OGFOD2: variants seen among roughly 807,000 people sequenced by gnomAD.
The protein encoded by OGFOD2 is 2-oxoglutarate and iron dependent oxygenase domain containing 2, also known as 2-oxoglutarate and iron-dependent oxygenase domain-containing protein 2.
OGFOD2 carries 34 observed loss-of-function variants against 31.1 expected under a neutral mutation model. That is an observed-to-expected ratio of 1.09 (90% CI 0.83 to 1.45). The LOEUF (loss-of-function observed/expected upper bound fraction) is 1.45. Ranked by LOEUF, OGFOD2 falls within the 40% of genes most tolerant of loss-of-function variation. The pLI, the probability that OGFOD2 is intolerant of heterozygous loss-of-function variation, is 0.00. For synonymous variants in OGFOD2, 240 were observed against 192.3 expected, an observed-to-expected ratio of 1.25 and a Z score of -2.05; for missense variants, 537 against 433.9, an observed-to-expected ratio of 1.24 and a Z score of -2.11.
exon 3 of OGFOD2, chr12:122,976,747 G>A: frequency 3.1e-6 from 5 of 1,613,882 alleles, no homozygotes; most frequent in Non-Finnish European, 3.4e-6. Flanking sequence ...GGCACGGCCT[G>A]AGGTCTACGA....
Position 122,978,439 on chromosome 12 carries a change from C to G in OGFOD2, c.404-3C>G, listed in dbSNP as rs1218981001. ...GGCCAACAGACCATCCCTCCTTCCACAGAGGAGAAGCGCATCTACCGGGTG... is the reference window on the plus strand; with the variant it reads ...GGCCAACAGACCATCCCTCCTTCCAGAGAGGAGAAGCGCATCTACCGGGTG... On this transcript the variant is annotated splice_region_variant and splice_polypyrimidine_tract_variant and intron_variant, in intron 4 of 6. Transcript: ENST00000228922. 1.9e-6 allele frequency: 3 copies of G among 1,613,088 alleles called. No individual in the cohort carries two copies. Among genetic ancestry groups the G allele is most frequent in the Non-Finnish European group, 2.5e-6 (3 of 1,179,676 alleles).
Position 122,976,275 on chromosome 12 carries a change from C to T in OGFOD2, c.190-379C>T, listed in dbSNP as rs556264202. 3.9e-4 allele frequency: 446 copies of T among 1,130,532 alleles called. 1 individual carries two copies. In the African/African-American group the frequency reaches 5.5e-3, roughly 14 times the overall value. 70.0% of individuals were successfully genotyped at this position (1,130,532 alleles called of 1,614,324 possible). ...CAGGCTGCTGCCAGGGCTGCTGCCCCACTCCCTCCTCCTCCTTCCCCTGGA... is the reference window on the plus strand; with the variant it reads ...CAGGCTGCTGCCAGGGCTGCTGCCCTACTCCCTCCTCCTCCTTCCCCTGGA... On this transcript the variant is annotated intron_variant, in intron 2 of 6. Transcript: ENST00000228922.
rs926326073 is a variant in OGFOD2 at position 122,978,867 on chromosome 12, A to G, written c.646A>G (p.Ser216Gly). 3.1e-6 allele frequency: 5 copies of G among 1,611,728 alleles called. No homozygotes were observed. The highest frequency in any genetic ancestry group is 4.2e-6 in the Non-Finnish European group (5 of 1,179,534). The change falls in exon 6 of 7, where the codon AGC (serine) becomes GGC (glycine). Residue 216 changes from serine to glycine, a missense_variant. Coordinates refer to ENST00000228922, the Ensembl canonical transcript of OGFOD2. ...TGACTGTGGCGGGGGCCGGCTCGAC[A>G]GCCACCGGGCCTTTGTGGTCAAATA...
At chr12:122,979,997 G>C in exon 7 of OGFOD2, 3 of 409,844 alleles carry the variant, frequency 7.3e-6, no homozygotes, top group Middle Eastern at 6.2e-4. Context: ...TCCTAGAGCT[G>C]TTTTGGGAGT....
exon 6 of OGFOD2, chr12:122,978,980 G>A: frequency 1.2e-6 from 2 of 1,613,078 alleles, no homozygotes; most frequent in Non-Finnish European, 1.7e-6. Flanking sequence ...TCTTCACAGG[G>A]GGCGCCCTGT....
intron 4 of OGFOD2, 37 bp from the exon 5 acceptor site, chr12:122,978,405 C>T: frequency 6.2e-7 from 1 of 1,607,742 alleles, no homozygotes. Context: ...CGGCCCACGG[C>T]CACATTCAGG....
At position 122,976,641 on chromosome 12, in the gene OGFOD2, T is replaced by C. The variant is rs757973657; in HGVS notation, c.190-13T>C. 3.8e-6 allele frequency: 6 copies of C among 1,568,220 alleles called. No individual in the cohort carries two copies. In the South Asian group the frequency reaches 4.4e-5, roughly 12 times the overall value. On this transcript the variant is annotated splice_polypyrimidine_tract_variant and intron_variant, in intron 2 of 6. Coordinates refer to ENST00000228922, the Ensembl canonical transcript of OGFOD2. ...GGGAGGCCCCACCTGGTAACAACCCTGTGCCACCCCAGCTTGAGCAGGAGG... is the reference window on the plus strand; with the variant it reads ...GGGAGGCCCCACCTGGTAACAACCCCGTGCCACCCCAGCTTGAGCAGGAGG...
At chr12:122,979,203 G>A (rs202245979) in exon 7 of OGFOD2, 2 of 1,612,202 alleles carry the variant, frequency 1.2e-6, no homozygotes, top group East Asian at 2.2e-5. Flanking sequence ...TTGGAACCTT[G>A]TCGTCTGGCT....
At chr12:122,976,273 C>A in intron 2 of OGFOD2, 1 of 1,099,142 alleles carries the variant, frequency 9.1e-7, no homozygotes, top group South Asian at 1.3e-5. Flanking sequence ...GGGCTGCTGC[C>A]CCACTCCCTC....
intron 1 of OGFOD2, 187 bp downstream of exon 1, chr12:122,975,570 GAGGA>G: frequency 1.7e-6 from 1 of 591,846 alleles, no homozygotes; most frequent in East Asian, 2.8e-5. Context: ...GTGAGATTGT[GAGGA>G]AGGAATGAAC....
Position 122,978,740 on chromosome 12 carries a change from A to G in OGFOD2, c.532-13A>G, listed in dbSNP as rs567720723. The G allele has an allele frequency of 6.2e-7, 1 of 1,603,030 alleles. No individual in the cohort carries two copies. The highest frequency in any genetic ancestry group is 1.3e-5 in the African/African-American group (1 of 74,848). The stretch of plus-strand genomic sequence containing the variant: ...CTCTAGTTTCCTTGCTGACCCCAGG[A>G]ATCCCCTCCCAGGTGCTGCTGCACG... On this transcript the variant is annotated splice_polypyrimidine_tract_variant and intron_variant, in intron 5 of 6. Coordinates refer to ENST00000228922, the Ensembl canonical transcript of OGFOD2.
exon 5 of OGFOD2, chr12:122,978,499 T>C: frequency 6.2e-7 from 1 of 1,613,566 alleles, no homozygotes; most frequent in Non-Finnish European, 8.5e-7. Flanking sequence ...CAGGCCCTGC[T>C]GGAAGAGCTG....
chr12:122,975,560 G>A, intron 1 of OGFOD2, 177 bp downstream of exon 1: 2 of 592,632 alleles, frequency 3.4e-6, no homozygotes, highest in South Asian at 2.0e-5. Flanking sequence ...GTATCTCCCT[G>A]TGAGATTGTG....
At chr12:122,976,372 C>A in intron 2 of OGFOD2, 1 of 1,613,862 alleles carries the variant, frequency 6.2e-7, no homozygotes, top group Non-Finnish European at 8.5e-7. Flanking sequence ...ATGACTGTCT[C>A]CTGTCCCTGT....
In OGFOD2 at chr12:122,976,132, A is replaced by G. The variant is rs73408898; in HGVS notation, c.189+265A>G. 1,384 of 593,618 alleles carry G rather than the reference A, an allele frequency of 2.3e-3. 22 individuals carry two copies. Among genetic ancestry groups the G allele is most frequent in the African/African-American group, 0.023 (1,238 of 53,902 alleles). 36.8% of individuals were successfully genotyped at this position (593,618 alleles called of 1,614,324 possible). The stretch of plus-strand genomic sequence containing the variant: ...AGCACAAGCACCACTCTCATTTTGG[A>G]TTGAGAAGCTGAGGCTTAAAGAGGG... On this transcript the variant is annotated intron_variant, in intron 2 of 6. Transcript: ENST00000228922.
At chr12:122,978,335 C>G (rs2037493685) in intron 4 of OGFOD2, 107 bp from the exon 5 acceptor site, 4 of 1,414,348 alleles carry the variant, frequency 2.8e-6, no homozygotes. Context: ...CCCTGAAAAG[C>G]AAAGGCCTCA....
exon 7 of OGFOD2, chr12:122,979,964 C>T (rs557564902): frequency 3.7e-5 from 14 of 376,136 alleles, no homozygotes; most frequent in South Asian, 1.5e-4. Context: ...TTGGTGCCTT[C>T]GTTTCCTCAT....
chr12:122,974,753 G>T (rs900348790), upstream of OGFOD2: 1 of 152,844 alleles, frequency 6.5e-6, no homozygotes, highest in African/African-American at 2.4e-5. Flanking sequence ...TGTGGCGGAG[G>T]GACCGGAAGC....
chr12:122,975,892 G>A (rs1350250648), intron 2 of OGFOD2, 25 bp downstream of exon 2: 2 of 697,754 alleles, frequency 2.9e-6, no homozygotes, highest in African/African-American at 1.7e-5. Context: ...CCCCTGCACA[G>A]CTCCTCCTCG....
Sources: allele counts gnomAD v4.1 joint callset, GRCh38; gene constraint gnomAD v4.1.1; transcripts MANE v1.5; gene names NCBI Gene and HGNC (gene_info 2026-07-23, HGNC 2026-07-21).